ASAH2: variants seen among roughly 807,000 people sequenced by gnomAD.
ASAH2 encodes the protein neutral ceramidase.
A neutral mutation model predicts 82.9 loss-of-function variants in ASAH2; 58 were observed. The observed-to-expected ratio is 0.70, with a 90% CI of 0.57 to 0.87. ASAH2 has a LOEUF of 0.87. ASAH2 is among the 40% of genes least tolerant of loss of function. ASAH2 has a pLI of 0.00. For synonymous variants in ASAH2, 276 were observed against 289.7 expected (o/e 0.95, Z 0.48); for missense variants, 779 against 834.0 (o/e 0.93, Z 0.81).
Position 50,229,933 on chromosome 10 carries a change from T to C in ASAH2, c.893+3251A>G, listed in dbSNP as rs952301363. On this transcript the variant is annotated intron_variant, in intron 7 of 20. Transcript: ENST00000682911. The stretch of plus-strand genomic sequence containing the variant: ...GTATTGTATGCCTATCTGTATGCCT[T>C]CTGTCTCCCTCAGTAGACTGAAGTC... 9.2e-5 allele frequency among the ~76,000 whole-genome samples: 14 copies of C among 152,312 alleles called. No homozygotes were observed. The South Asian group carries it at 2.7e-3, about 29-fold the overall frequency.
At chr10:50,225,014 T>C (rs1190749969) in intron 7 of ASAH2, among the ~76,000 whole-genome samples, 1 of 152,222 alleles carries the variant, frequency 6.6e-6, no homozygotes, top group African/African-American at 2.4e-5. Context: ...AGAATATTTC[T>C]ACCAACTCCA....
Position 50,202,858 on chromosome 10 carries a change from G to T in ASAH2, c.1732C>A (p.His578Asn). 1 of 1,611,096 alleles carries T rather than the reference G, an allele frequency of 6.2e-7. No homozygotes were observed. The highest frequency in any genetic ancestry group is 1.1e-5 in the South Asian group (1 of 91,008). The change falls in exon 16 of 21, where the codon CAT becomes AAT. Residue 578 changes from histidine (H) to asparagine (N), a missense_variant. By Grantham distance (68) the His-to-Asn change is moderately conservative. This residue lies in a region of ASAH2 where 759 missense variants were observed against 755.2 expected (regional missense o/e 1.00). Coordinates refer to ENST00000682911, the MANE Select transcript of ASAH2 (RefSeq NM_019893.4). ...VISGLCNVYT[H>N]YITTYEEYQA... ...TATTCTTCATAAGTGGTAATGTAATGTGTATAGACGTTGCATAGACCTGAA... is the reference window on the plus strand; with the variant it reads ...TATTCTTCATAAGTGGTAATGTAATTTGTATAGACGTTGCATAGACCTGAA...
At chr10:50,215,963 A>G (rs1007587357) in intron 8 of ASAH2, among the ~76,000 whole-genome samples, 3 of 152,230 alleles carry the variant, frequency 2.0e-5, no homozygotes, top group Non-Finnish European at 4.4e-5. Flanking sequence ...CATATACACC[A>G]TGGAATACTA....
intron 12 of ASAH2, among the ~76,000 whole-genome samples, chr10:50,210,349 A>G (rs1338783041): frequency 6.6e-6 from 1 of 152,056 alleles, no homozygotes; most frequent in African/African-American, 2.4e-5. Context: ...AAAATACAAA[A>G]ATTAGCCAAG....
intron 8 of ASAH2, among the ~76,000 whole-genome samples, chr10:50,218,281 A>G (rs2133212664): frequency 6.6e-6 from 1 of 152,326 alleles, no homozygotes; most frequent in Admixed American, 6.5e-5. Context: ...AACTTTATGA[A>G]GCAATGAATA....
chr10:50,214,975 T>C, intron 8 of ASAH2, 107 bp from the exon 9 acceptor site: 4 of 1,384,990 alleles, frequency 2.9e-6, no homozygotes, highest in Non-Finnish European at 4.0e-6. Context: ...TTCAAAATCA[T>C]TTGCAGGCAA....
intron 12 of ASAH2, 69 bp downstream of exon 12, chr10:50,210,754 C>G: frequency 7.9e-7 from 1 of 1,271,678 alleles, no homozygotes; most frequent in Non-Finnish European, 1.2e-6. Context: ...TACAATGAAA[C>G]CTGATCAGAG....
At chr10:50,202,176 AG>A (rs1489916283) in intron 16 of ASAH2, among the ~76,000 whole-genome samples, 1 of 152,072 alleles carries the variant, frequency 6.6e-6, no homozygotes, top group Non-Finnish European at 1.5e-5. Context: ...ATATTTACCA[AG>A]GGGTAGACTG....
Position 50,248,473 on chromosome 10 carries a change from A to G in ASAH2, c.127+11T>C, listed in dbSNP as rs1846529193. The G allele has an allele frequency of 1.9e-6, 3 of 1,613,250 alleles. No individual in the cohort carries two copies. Among genetic ancestry groups the G allele is most frequent in the African/African-American group, 2.7e-5 (2 of 75,022 alleles). On this transcript the variant is annotated intron_variant, in intron 2 of 20. Transcript: ENST00000682911. Reference sequence around the variant, plus strand: ...CTAAAAATTGCATCTAAGAGAGCCCATGACACTTGCCTTTGTGGTTTTCAA... The same window carrying G: ...CTAAAAATTGCATCTAAGAGAGCCCGTGACACTTGCCTTTGTGGTTTTCAA...
At chr10:50,213,337 T>C (rs1266600859) in intron 9 of ASAH2, among the ~76,000 whole-genome samples, 3 of 152,168 alleles carry the variant, frequency 2.0e-5, no homozygotes, top group Non-Finnish European at 4.4e-5. Flanking sequence ...AGGTATCTAA[T>C]ATCTGAGCTA....
intron 8 of ASAH2, among the ~76,000 whole-genome samples, chr10:50,216,117 T>C (rs913612223): frequency 3.4e-5 from 4 of 116,178 alleles, no homozygotes; most frequent in African/African-American, 6.9e-5. Flanking sequence ...TGAGAACACA[T>C]GGACACAGGG....
At chr10:50,189,051 G>A (rs1204791751) in intron 20 of ASAH2, among the ~76,000 whole-genome samples, 1 of 145,430 alleles carries the variant, frequency 6.9e-6, no homozygotes, top group Non-Finnish European at 1.5e-5. Context: ...TAGTGTTTTA[G>A]TAACTCAAAT....
Position 50,185,707 on chromosome 10 carries a change from G to A in ASAH2, c.*1608C>T, listed in dbSNP as rs547710722. On this transcript the variant is annotated 3_prime_UTR_variant, in exon 21 of 21. Transcript: ENST00000682911. ...ATTACCTAATCCTCCAGCAGTTAAT[G>A]CCCAAGGAAACAGCCTCTAGGATAC... 0.014 allele frequency: 1,931 copies of A among 138,876 alleles called. 42 individuals carry two copies. Among genetic ancestry groups the A allele is most frequent in the African/African-American group, 0.053 (1,801 of 34,078 alleles). 8.6% of individuals were successfully genotyped at this position (138,876 alleles called of 1,614,324 possible).
At position 50,202,842 on chromosome 10, in the gene ASAH2, T is replaced by A; in HGVS notation, c.1748A>T (p.Tyr583Phe). The change falls in exon 16 of 21, where the codon TAT becomes TTT. Residue 583 changes from tyrosine to phenylalanine, a missense_variant. Around this residue, in one of 3 missense-constraint regions of ASAH2, gnomAD observed 759 missense variants for 755.2 expected, o/e 1.00. Coordinates refer to ENST00000682911, the MANE Select transcript of ASAH2 (RefSeq NM_019893.4). ...GTTTTGCTTTACCTGGTATTCTTCA[T>A]AAGTGGTAATGTAATGTGTATAGAC... ...CNVYTHYITT[Y>F]EEYQAQRYEA... 6.2e-7 allele frequency: 1 copy of A among 1,607,900 alleles called. No homozygotes were observed. The highest frequency in any genetic ancestry group is 8.5e-7 in the Non-Finnish European group (1 of 1,174,764).
chr10:50,209,313 T>C (rs1204724350), intron 12 of ASAH2, among the ~76,000 whole-genome samples: 5 of 152,204 alleles, frequency 3.3e-5, no homozygotes, highest in African/African-American at 1.2e-4. Context: ...GTGCTTCAAA[T>C]GATACAATCA....
intron 4 of ASAH2, among the ~76,000 whole-genome samples, chr10:50,236,639 C>G (rs915137190): frequency 2.5e-4 from 38 of 152,022 alleles, no homozygotes; most frequent in African/African-American, 8.2e-4. Flanking sequence ...TTTATAGATT[C>G]TTACTATAAG....
At chr10:50,220,904 A>G (rs1368606246) in intron 7 of ASAH2, among the ~76,000 whole-genome samples, 4 of 149,514 alleles carry the variant, frequency 2.7e-5, no homozygotes, top group African/African-American at 9.8e-5. Context: ...CTTGCTAATT[A>G]TTGAATCTGG....
chr10:50,199,752 G>A (rs1188187093), intron 16 of ASAH2, among the ~76,000 whole-genome samples: 4 of 150,826 alleles, frequency 2.7e-5, no homozygotes, highest in Admixed American at 6.6e-5. Flanking sequence ...AGGATCAGCC[G>A]GCAGTTACCT....
At chr10:50,195,497 T>G (rs1317280436) in intron 18 of ASAH2, among the ~76,000 whole-genome samples, 2 of 150,324 alleles carry the variant, frequency 1.3e-5, no homozygotes, top group East Asian at 3.9e-4. Context: ...TCTCAAAAAA[T>G]TAAAAATAGA....
Sources: allele counts gnomAD v4.1 joint callset (sites outside exome capture counted in the v4.1 genomes callset), GRCh38; gene constraint gnomAD v4.1.1; regional missense constraint gnomAD v4.1.1; transcripts MANE v1.5; gene names NCBI Gene and HGNC (gene_info 2026-07-23, HGNC 2026-07-21).